Variants in CCDC171 observed in about 807,000 individuals in gnomAD.
CCDC171 encodes the protein coiled-coil domain containing 171, also known as coiled-coil domain-containing protein 171.
Under a neutral mutation model 168.2 loss-of-function variants are expected in CCDC171, and 177 were observed. That is an observed-to-expected ratio of 1.05 (90% confidence interval 0.93 to 1.19). The LOEUF (loss-of-function observed/expected upper bound fraction) is 1.19. Among genes scored for constraint, CCDC171 ranks in the 50% most tolerant of loss-of-function variants. CCDC171 has a pLI of 0.00. For missense variants in CCDC171, 1,991 were observed against 1,539.0 expected (o/e 1.29, Z -4.91); for synonymous variants, 687 against 540.8 (o/e 1.27, Z -3.75).
intron 25 of CCDC171, among the ~76,000 whole-genome samples, chr9:15,957,641 A>C (rs1829934014): frequency 1.3e-5 from 2 of 152,216 alleles, no homozygotes; most frequent in Admixed American, 6.5e-5. Flanking sequence ...GTTTACATCA[A>C]ACAATTAGAT....
the CCDC171 span, among the ~76,000 whole-genome samples, chr9:16,069,044 G>A: frequency 6.6e-6 from 1 of 152,162 alleles, no homozygotes; most frequent in African/African-American, 2.4e-5. Context: ...CTATTGAAGT[G>A]GCTGCATTCA....
At chr9:15,735,546 C>T (rs549248289) in intron 16 of CCDC171, among the ~76,000 whole-genome samples, 4 of 152,006 alleles carry the variant, frequency 2.6e-5, no homozygotes, top group East Asian at 3.9e-4. Context: ...GAATGGAGAA[C>T]AAAACTCAGG....
chr9:16,051,092 TTA>T (rs776754293), intron 1 of CCDC171, among the ~76,000 whole-genome samples: 2 of 152,236 alleles, frequency 1.3e-5, no homozygotes, highest in East Asian at 1.9e-4. Context: ...TATCATATTT[TTA>T]TATGTTTCTC....
At chr9:15,603,160 A>G (rs375007782) in intron 6 of CCDC171, among the ~76,000 whole-genome samples, 3 of 150,840 alleles carry the variant, frequency 2.0e-5, no homozygotes, top group Non-Finnish European at 3.0e-5. Context: ...TTTTTTTTGT[A>G]TTTTTAGTAG....
chr9:15,902,968 G>A (rs1457720941), intron 24 of CCDC171, among the ~76,000 whole-genome samples: 4 of 152,202 alleles, frequency 2.6e-5, no homozygotes, highest in African/African-American at 4.8e-5. Context: ...ACTGCAAGGC[G>A]GCAGCGAGCT....
rs146498254 is a variant in CCDC171 at position 16,048,196 on chromosome 9, C to T, written n.89+5310C>T. On this transcript the variant is annotated intron_variant and non_coding_transcript_variant, in intron 1 of 1. Transcript: ENST00000478913. ...TCAGTCCCTTGAGCTTCCTTTGGAG[C>T]AAATTTAAGAGGTCTAACATGTTCC... Among the ~76,000 whole-genome samples the T allele has an allele frequency of 1.8e-4, 27 of 152,332 alleles. No homozygotes were observed. In the East Asian group the frequency reaches 5.2e-3, roughly 29 times the overall value.
chr9:16,095,867 C>CATATATATATATATATAT, the CCDC171 span, among the ~76,000 whole-genome samples: 3 of 52,780 alleles, frequency 5.7e-5, no homozygotes, highest in Admixed American at 1.6e-4. Flanking sequence ...CACACATAGG[C>CATATATATATATATATAT]ACATATATAT....
chr9:16,001,249 T>A (rs1832534117), intron 3 of CCDC171, among the ~76,000 whole-genome samples: 2 of 152,126 alleles, frequency 1.3e-5, no homozygotes, highest in African/African-American at 4.8e-5. Context: ...CATGCCCTTC[T>A]GAAAAAATTT....
chr9:15,662,781 G>C (rs1412888464), intron 8 of CCDC171, among the ~76,000 whole-genome samples: 2 of 151,992 alleles, frequency 1.3e-5, no homozygotes, highest in Non-Finnish European at 2.9e-5. Context: ...TTCGGGACCA[G>C]CCTGGCCAAC....
At chr9:16,101,098 C>T in the CCDC171 span, among the ~76,000 whole-genome samples, 11 of 152,220 alleles carry the variant, frequency 7.2e-5, no homozygotes, top group African/African-American at 2.6e-4. Context: ...GCCACAGAGG[C>T]CTTCTCTTAT....
intron 18 of CCDC171, among the ~76,000 whole-genome samples, chr9:15,754,964 A>G (rs929522005): frequency 6.6e-6 from 1 of 152,168 alleles, no homozygotes; most frequent in African/African-American, 2.4e-5. Context: ...TTTAAATGTT[A>G]TATGTAGCTA....
intron 6 of CCDC171, among the ~76,000 whole-genome samples, chr9:15,614,291 C>T (rs974259183): frequency 6.6e-6 from 1 of 152,164 alleles, no homozygotes; most frequent in African/African-American, 2.4e-5. Flanking sequence ...CAACTCTGTT[C>T]TTCTCTCCTT....
chr9:15,619,652 C>A (rs965383009), intron 6 of CCDC171, among the ~76,000 whole-genome samples: 4 of 152,206 alleles, frequency 2.6e-5, no homozygotes, highest in Non-Finnish European at 5.9e-5. Flanking sequence ...GTAGAAGCTG[C>A]AGCAAGTAAT....
intron 9 of CCDC171, among the ~76,000 whole-genome samples, chr9:15,672,229 C>T (rs1238637863): frequency 2.0e-5 from 3 of 151,964 alleles, no homozygotes; most frequent in African/African-American, 7.3e-5. Flanking sequence ...TGTTTAAGTT[C>T]TTTGTAGATT....
chr9:15,729,600 C>G lies in CCDC171; in HGVS notation c.1861-10C>G. 1 of 1,588,484 alleles carries G rather than the reference C, an allele frequency of 6.3e-7. No homozygotes were observed. Among genetic ancestry groups the G allele is most frequent in the Non-Finnish European group, 8.6e-7 (1 of 1,163,194 alleles). ...GCATATTTCCTTCTCTGTTGCATCT[C>G]CCCGTATAGATAAGGCATCTAGAGT... On this transcript the variant is annotated splice_polypyrimidine_tract_variant and intron_variant, in intron 15 of 25. Coordinates refer to ENST00000380701, the MANE Select transcript of CCDC171 (RefSeq NM_173550.4).
chr9:15,667,472 C>T (rs1413705223), intron 9 of CCDC171, among the ~76,000 whole-genome samples: 1 of 151,906 alleles, frequency 6.6e-6, no homozygotes, highest in East Asian at 1.9e-4. Context: ...ATGGTGAAAC[C>T]CTGTCTCTAC....
chr9:15,710,568 T>G (rs954367563), intron 11 of CCDC171, among the ~76,000 whole-genome samples: 3 of 152,128 alleles, frequency 2.0e-5, no homozygotes, highest in African/African-American at 7.2e-5. Flanking sequence ...CCCAAAGTGC[T>G]GGGATTACAG....
chr9:16,067,898 A>T, the CCDC171 span, among the ~76,000 whole-genome samples: 1 of 152,130 alleles, frequency 6.6e-6, no homozygotes, highest in Non-Finnish European at 1.5e-5. Context: ...AGGTAGTGTG[A>T]TGCCTCCAGC....
At chr9:16,065,844 G>GTGTGTGTGTGTGT (rs1564141872), downstream of CCDC171, among the ~76,000 whole-genome samples, 1 of 149,988 alleles carries the variant, frequency 6.7e-6, no homozygotes, top group South Asian at 2.1e-4. Context: ...GTGTGTGTGT[G>GTGTGTGTGTGTGT]CTGATTAAAT....
Sources: gnomAD v4.1 joint callset for allele counts (sites outside exome capture counted in the v4.1 genomes callset) on GRCh38, gnomAD v4.1.1 for gene constraint, MANE v1.5 for transcripts, NCBI Gene and HGNC (gene_info 2026-07-23, HGNC 2026-07-21) for gene names.